The following PTH2R variants were observed in gnomAD, a reference collection of about 807,000 sequenced individuals.
PTH2R encodes PTH2 receptor.
A neutral mutation model predicts 60.3 loss-of-function variants in PTH2R; 59 were observed. The ratio of observed to expected loss-of-function variants is 0.98; its 90% CI spans 0.79 to 1.22. The LOEUF (loss-of-function observed/expected upper bound fraction) is 1.22, where lower values mean the gene tolerates loss of function less well. PTH2R is among the 50% of genes most tolerant of loss of function. The pLI is 0.00. For synonymous variants in PTH2R, 256 were observed against 243.8 expected, an observed-to-expected ratio of 1.05 and a Z score of -0.47; for missense variants, 749 against 682.6, an observed-to-expected ratio of 1.10 and a Z score of -1.08.
chr2:208,449,428 G>A (rs919771241), intron 7 of PTH2R, among the ~76,000 whole-genome samples: 2 of 128,004 alleles, frequency 1.6e-5, no homozygotes, highest in South Asian at 2.7e-4. Context: ...AATGATTAAT[G>A]GAGAAATGTG....
intron 3 of PTH2R, 23 bp downstream of exon 3, chr2:208,437,670 T>C: frequency 6.2e-7 from 1 of 1,604,626 alleles, no homozygotes; most frequent in Non-Finnish European, 8.5e-7. Flanking sequence ...TCTAAAATGA[T>C]TAATTTAAAA....
chr2:208,387,721 G>C (rs1701027379), intron 1 of PTH2R, among the ~76,000 whole-genome samples: 1 of 152,192 alleles, frequency 6.6e-6, no homozygotes, highest in African/African-American at 2.4e-5. Flanking sequence ...ATAGCTAGAG[G>C]ATGTCACAAT....
At chr2:208,445,206 T>A (rs1702265865) in intron 7 of PTH2R, among the ~76,000 whole-genome samples, 1 of 152,168 alleles carries the variant, frequency 6.6e-6, no homozygotes, top group South Asian at 2.1e-4. Context: ...GTGTTCTGCT[T>A]TATCAATAAT....
At chr2:208,424,106 A>T (rs185984550) in intron 1 of PTH2R, among the ~76,000 whole-genome samples, 49 of 151,600 alleles carry the variant, frequency 3.2e-4, no homozygotes, top group African/African-American at 1.1e-3. Context: ...GTCTTCTCTG[A>T]CCCCCGCTCC....
intron 12 of PTH2R, among the ~76,000 whole-genome samples, chr2:208,491,466 G>A (rs1467400333): frequency 6.6e-6 from 1 of 152,190 alleles, no homozygotes; most frequent in Non-Finnish European, 1.5e-5. Context: ...GTTTATTTAG[G>A]AGAATAAACC....
chr2:208,410,719 TA>T (rs1482938339), intron 1 of PTH2R, among the ~76,000 whole-genome samples: 2 of 152,184 alleles, frequency 1.3e-5, no homozygotes, highest in African/African-American at 4.8e-5. Context: ...TACATGCACA[TA>T]AAACAGTAAT....
rs756390539 is a variant in PTH2R at position 208,437,873 on chromosome 2, A to C, written c.403A>C (p.Ile135Leu). Residue 135 changes from isoleucine (I) to leucine (L), a missense_variant, in exon 4 of 13, where the codon ATA (isoleucine) becomes CTA (leucine). By Grantham distance (5) the Ile-to-Leu change is conservative (BLOSUM62 2). Transcript: ENST00000272847. Reference sequence around the variant, plus strand: ...TCGCTTTCTGCAGCCAGATATCAGCATAGGAAAGGTAATGGAATTTCTCTA... The same window carrying C: ...TCGCTTTCTGCAGCCAGATATCAGCCTAGGAAAGGTAATGGAATTTCTCTA... ...CLRFLQPDIS[I>L]GKQEFFERLY... The C allele has an allele frequency of 2.5e-6, 4 of 1,612,222 alleles. No individual in the cohort carries two copies. The African/African-American group carries it at 5.3e-5, about 22-fold the overall frequency.
intron 1 of PTH2R, among the ~76,000 whole-genome samples, chr2:208,377,124 A>G (rs1700807894): frequency 1.3e-5 from 2 of 152,056 alleles, no homozygotes; most frequent in South Asian, 4.1e-4. Context: ...CACATCTTGC[A>G]TGGCCCTTAA....
At chr2:208,453,509 G>C (rs1209658334) in intron 8 of PTH2R, among the ~76,000 whole-genome samples, 1 of 152,028 alleles carries the variant, frequency 6.6e-6, no homozygotes, top group Non-Finnish European at 1.5e-5. Context: ...AAGTGTAACT[G>C]TCTCATTTTT....
At chr2:208,365,929 A>AAAATATATATAT (rs1700571635) in intron 1 of PTH2R, among the ~76,000 whole-genome samples, 1 of 43,736 alleles carries the variant, frequency 2.3e-5, no homozygotes, top group African/African-American at 9.0e-5. Flanking sequence ...ATAATAGATA[A>AAAATATATATAT]ATATATATAT....
chr2:208,383,307 T>C (rs1296588272), intron 1 of PTH2R, among the ~76,000 whole-genome samples: 1 of 152,198 alleles, frequency 6.6e-6, no homozygotes, highest in African/African-American at 2.4e-5. Flanking sequence ...GGGGCCTGGA[T>C]GTGAAATAAC....
intron 2 of PTH2R, among the ~76,000 whole-genome samples, chr2:208,435,931 A>T (rs985501407): frequency 5.3e-5 from 8 of 152,194 alleles, no homozygotes; most frequent in African/African-American, 1.9e-4. Flanking sequence ...ATTTTTGAGA[A>T]GTTGGGGTAT....
At chr2:208,417,277 C>T (rs747318725) in intron 1 of PTH2R, among the ~76,000 whole-genome samples, 5 of 151,984 alleles carry the variant, frequency 3.3e-5, no homozygotes, top group Non-Finnish European at 7.4e-5. Context: ...TAAAATTAGT[C>T]TTTTTTGCTA....
chr2:208,420,414 T>A (rs918480693), intron 1 of PTH2R, among the ~76,000 whole-genome samples: 1 of 152,226 alleles, frequency 6.6e-6, no homozygotes, highest in Non-Finnish European at 1.5e-5. Context: ...TGTATGAGGC[T>A]ATTTTTTCCA....
chr2:208,432,978 A>G (rs188671982), intron 2 of PTH2R, among the ~76,000 whole-genome samples: 1 of 152,320 alleles, frequency 6.6e-6, no homozygotes, highest in African/African-American at 2.4e-5. Flanking sequence ...AGAGACACCC[A>G]GAAACAGTAC....
intron 10 of PTH2R, among the ~76,000 whole-genome samples, chr2:208,488,008 A>G (rs551233091): frequency 1.3e-5 from 2 of 152,344 alleles, no homozygotes; most frequent in East Asian, 3.9e-4. Flanking sequence ...GCCTACACTT[A>G]GAGGGAAAGG....
chr2:208,478,557 G>A lies in PTH2R; in HGVS notation c.982-2513G>A, dbSNP rs960258548. Among the ~76,000 whole-genome samples, 4 of 152,038 alleles carry A rather than the reference G, an allele frequency of 2.6e-5. No individual in the cohort carries two copies. The East Asian group carries it at 7.7e-4, about 29-fold the overall frequency. On this transcript the variant is annotated intron_variant, in intron 9 of 12. Transcript: ENST00000272847. ...CCCTCCCTTTCGGAGGATTCTTCAG[G>A]TGTCTCCTAAATTGCTGAATTCATT...
chr2:208,383,513 T>C (rs960999573), intron 1 of PTH2R, among the ~76,000 whole-genome samples: 4 of 152,350 alleles, frequency 2.6e-5, no homozygotes, highest in Middle Eastern at 3.4e-3. Context: ...TTAAATAAGC[T>C]TCTTGAAAAC....
chr2:208,473,807 C>A (rs924281837), intron 9 of PTH2R, among the ~76,000 whole-genome samples: 1 of 152,050 alleles, frequency 6.6e-6, no homozygotes, highest in African/African-American at 2.4e-5. Flanking sequence ...ACCTTACAAT[C>A]ATTTAAAATA....
Sources: allele counts gnomAD v4.1 joint callset (sites outside exome capture counted in the v4.1 genomes callset), GRCh38; gene constraint gnomAD v4.1.1; transcripts MANE v1.5; gene names NCBI Gene and HGNC (gene_info 2026-07-23, HGNC 2026-07-21).